The following SYT1 variants were observed in gnomAD, a reference collection of about 807,000 sequenced individuals.
SYT1 encodes the protein synaptotagmin-1.
Under a neutral mutation model 44.8 loss-of-function variants are expected in SYT1, and 8 were observed. The ratio of observed to expected loss-of-function variants is 0.18; its 90% CI spans 0.10 to 0.32. The LOEUF is 0.32. SYT1 is among the 10% of genes least tolerant of loss of function. The pLI is 1.00. For missense variants in SYT1, 286 were observed against 509.3 expected (o/e 0.56, Z 4.22); for synonymous variants, 154 against 188.8 (o/e 0.82, Z 1.51).
At chr12:78,962,476 C>T (rs951216268) in intron 1 of SYT1, among the ~76,000 whole-genome samples, 2 of 151,780 alleles carry the variant, frequency 1.3e-5, no homozygotes, top group Admixed American at 1.3e-4. Flanking sequence ...AAAACTATCT[C>T]AATGTTTATG....
At chr12:79,074,304 T>C (rs1181151855) in intron 3 of SYT1, among the ~76,000 whole-genome samples, 1 of 152,168 alleles carries the variant, frequency 6.6e-6, no homozygotes, top group Non-Finnish European at 1.5e-5. Flanking sequence ...AGCTGTGGTC[T>C]ACATGGCCCC....
intron 9 of SYT1, among the ~76,000 whole-genome samples, chr12:79,370,620 G>T (rs1036105956): frequency 6.6e-6 from 1 of 152,030 alleles, no homozygotes; most frequent in Non-Finnish European, 1.5e-5. Context: ...AAATTTAGCC[G>T]GGCATGGTGA....
chr12:78,955,716 T>C (rs1879174517), intron 1 of SYT1: 1 of 151,980 alleles, frequency 6.6e-6, no homozygotes, highest in African/African-American at 2.4e-5. Flanking sequence ...CTACAAGCTT[T>C]ATAAGGACCA....
In SYT1 at chr12:79,148,131, T is replaced by C. The variant is rs145734294; in HGVS notation, c.-17-69372T>C. Among the ~76,000 whole-genome samples, 381 of 152,256 alleles carry C rather than the reference T, an allele frequency of 2.5e-3. 3 individuals carry two copies. Among genetic ancestry groups the C allele is most frequent in the African/African-American group, 7.4e-3 (306 of 41,560 alleles). On this transcript the variant is annotated intron_variant, in intron 3 of 10. Coordinates refer to ENST00000261205, the MANE Select transcript of SYT1 (RefSeq NM_005639.3). ...GCAGTGCTGTGTGGGCAAAATTGGA[T>C]TGCAATCATAGGCATTTCAAAAAAT...
intron 5 of SYT1, among the ~76,000 whole-genome samples, chr12:79,290,940 T>A (rs1244140875): frequency 2.6e-5 from 4 of 152,190 alleles, no homozygotes; most frequent in Admixed American, 2.6e-4. Context: ...TGTATTTTTT[T>A]AATTTTGAAT....
intron 3 of SYT1, among the ~76,000 whole-genome samples, chr12:79,079,491 T>A: frequency 6.6e-6 from 1 of 152,124 alleles, no homozygotes; most frequent in Non-Finnish European, 1.5e-5. Context: ...CAGATTATCA[T>A]CTCATTTAAA....
intron 8 of SYT1, among the ~76,000 whole-genome samples, chr12:79,323,771 AT>A (rs1881476801): frequency 6.6e-6 from 1 of 151,562 alleles, no homozygotes; most frequent in Admixed American, 6.6e-5. Flanking sequence ...ATATGGAAAA[AT>A]GTTTTAGTAT....
intron 9 of SYT1, among the ~76,000 whole-genome samples, chr12:79,371,249 A>T (rs1883777166): frequency 6.6e-6 from 1 of 152,196 alleles, no homozygotes; most frequent in Non-Finnish European, 1.5e-5. Flanking sequence ...TCTGTTACCT[A>T]AGCCTGCCCA....
chr12:79,425,813 A>G (rs540785032), intron 9 of SYT1, among the ~76,000 whole-genome samples: 4 of 152,264 alleles, frequency 2.6e-5, no homozygotes, highest in Admixed American at 2.6e-4. Flanking sequence ...GTTGTATAGG[A>G]ACGGTTTTAC....
intron 8 of SYT1, among the ~76,000 whole-genome samples, chr12:79,320,648 CTT>C (rs746685561): frequency 8.2e-4 from 105 of 128,708 alleles, no homozygotes; most frequent in African/African-American, 2.3e-3. Context: ...TCTTTTTCCC[CTT>C]TTTTTTTTTT....
chr12:78,976,916 T>A lies in SYT1; in HGVS notation c.-216-883T>A, dbSNP rs144509679. Among the ~76,000 whole-genome samples, 167 of 152,256 alleles carry A rather than the reference T, an allele frequency of 1.1e-3. 1 individual carries two copies. The highest frequency in any genetic ancestry group is 8.8e-3 in the Admixed American group (135 of 15,292). On this transcript the variant is annotated intron_variant, in intron 1 of 10. Transcript: ENST00000261205. ...ATATTTGTGAAAGAATTATGCTACT[T>A]TATAACTCAGTTTTTTAGAGTTTCT...
chr12:79,152,177 C>T (rs1162767226), intron 3 of SYT1, among the ~76,000 whole-genome samples: 3 of 151,854 alleles, frequency 2.0e-5, no homozygotes, highest in African/African-American at 4.8e-5. Context: ...AGATGACCTG[C>T]GAGAAAAGAA....
chr12:79,326,979 T>C (rs1341312393), intron 8 of SYT1, among the ~76,000 whole-genome samples: 1 of 152,184 alleles, frequency 6.6e-6, no homozygotes, highest in Non-Finnish European at 1.5e-5. Context: ...CTTTTCCACT[T>C]GAGTTCTAGT....
rs113441017 is a variant in SYT1 at position 79,362,080 on chromosome 12, A to G, written c.928+8461A>G. 7.2e-5 allele frequency among the ~76,000 whole-genome samples: 11 copies of G among 152,336 alleles called. 1 individual carries two copies. Among genetic ancestry groups the G allele is most frequent in the African/African-American group, 2.6e-4 (11 of 41,584 alleles). On this transcript the variant is annotated intron_variant, in intron 9 of 10. Transcript: ENST00000261205. The stretch of plus-strand genomic sequence containing the variant: ...AACACATGTCAGCTAGATAATTTTA[A>G]CAAGAGAAATCTACAGATGAAGAAG...
chr12:79,418,548 C>G (rs1026417990), intron 9 of SYT1, among the ~76,000 whole-genome samples: 2 of 152,040 alleles, frequency 1.3e-5, no homozygotes, highest in Non-Finnish European at 2.9e-5. Context: ...ACTTCACCAC[C>G]CCCACTGCAT....
At chr12:79,184,672 T>C (rs1476104070) in intron 3 of SYT1, among the ~76,000 whole-genome samples, 1 of 152,202 alleles carries the variant, frequency 6.6e-6, no homozygotes, top group African/African-American at 2.4e-5. Flanking sequence ...ATATCCAGCA[T>C]TCAGAATATC....
At chr12:79,180,419 G>A (rs1872454530) in intron 3 of SYT1, among the ~76,000 whole-genome samples, 1 of 151,876 alleles carries the variant, frequency 6.6e-6, no homozygotes, top group Non-Finnish European at 1.5e-5. Flanking sequence ...TTTAGTATTG[G>A]TATTAGTCCA....
intron 9 of SYT1, among the ~76,000 whole-genome samples, chr12:79,432,173 C>G (rs1869829435): frequency 1.3e-5 from 2 of 151,280 alleles, no homozygotes; most frequent in Admixed American, 6.6e-5. Context: ...AAATTTCAAA[C>G]CAGATATTAT....
rs190276290 is a variant in SYT1, at chr12:79,224,089, T to C, written c.166+6404T>C. ...GCTCTTGTGAAGTTATTTTCATGCA[T>C]GGATAGCTGTTCAAACTTATGATTT... is the stretch of plus-strand genomic sequence containing the variant. On this transcript the variant is annotated intron_variant, in intron 4 of 10. Transcript: ENST00000261205. Among the ~76,000 whole-genome samples the C allele has an allele frequency of 2.9e-3, 444 of 152,312 alleles. 3 individuals are homozygous for C. Among genetic ancestry groups the C allele is most frequent in the African/African-American group, 0.01 (418 of 41,562 alleles).
Sources: allele counts gnomAD v4.1 joint callset (sites outside exome capture counted in the v4.1 genomes callset), GRCh38; gene constraint gnomAD v4.1.1; transcripts MANE v1.5; gene names NCBI Gene and HGNC (gene_info 2026-07-23, HGNC 2026-07-21).